The following SDK1 variants were observed in gnomAD, a reference collection of about 807,000 sequenced individuals.
The protein encoded by SDK1 is sidekick cell adhesion molecule 1.
Under a neutral mutation model 245.5 loss-of-function variants are expected in SDK1, and 157 were observed. The observed-to-expected ratio is 0.64, with a 90% CI of 0.56 to 0.73. SDK1 has a LOEUF of 0.73. SDK1 is among the 30% of genes least tolerant of loss of function. SDK1 has a pLI of 0.00. For missense variants in SDK1, 3,583 were observed against 3,002.3 expected (o/e 1.19, Z -4.52); for synonymous variants, 1,647 against 1,278.5 (o/e 1.29, Z -6.15).
chr7:4,092,390 G>T (rs1317878276), intron 22 of SDK1, among the ~76,000 whole-genome samples: 1 of 152,132 alleles, frequency 6.6e-6, no homozygotes, highest in African/African-American at 2.4e-5. Flanking sequence ...TGGGCTCCCT[G>T]GTCCAGGCAG....
intron 2 of SDK1, among the ~76,000 whole-genome samples, chr7:3,620,710 C>G (rs1583235884): frequency 1.3e-5 from 2 of 152,278 alleles, no homozygotes; most frequent in East Asian, 3.9e-4. Context: ...CAGCCCCAAT[C>G]AGGAGCAGGC....
At chr7:4,078,682 C>A (rs750733666) in intron 21 of SDK1, among the ~76,000 whole-genome samples, 5 of 152,126 alleles carry the variant, frequency 3.3e-5, no homozygotes, top group Admixed American at 6.5e-5. Context: ...CACAGTAACA[C>A]GAAAGCTCTC....
intron 5 of SDK1, among the ~76,000 whole-genome samples, chr7:3,873,786 TTC>T (rs1356542935): frequency 1.3e-5 from 2 of 152,198 alleles, no homozygotes; most frequent in African/African-American, 4.8e-5. Flanking sequence ...TTCCATTTAA[TTC>T]TTTTTCACTT....
intron 1 of SDK1, among the ~76,000 whole-genome samples, chr7:3,434,154 T>A (rs1270821886): frequency 2.0e-5 from 3 of 152,108 alleles, no homozygotes; most frequent in Non-Finnish European, 4.4e-5. Flanking sequence ...TTGTGATGAT[T>A]TTTTTTTCCT....
At chr7:3,520,321 C>T (rs1278190500) in intron 1 of SDK1, among the ~76,000 whole-genome samples, 2 of 152,284 alleles carry the variant, frequency 1.3e-5, no homozygotes, top group African/African-American at 4.8e-5. Flanking sequence ...TTTAGGTTGT[C>T]AACCTAGGTA....
At chr7:3,337,546 G>T (rs1174517773) in intron 1 of SDK1, among the ~76,000 whole-genome samples, 1 of 152,120 alleles carries the variant, frequency 6.6e-6, no homozygotes, top group African/African-American at 2.4e-5. Context: ...AAGAAGCTGA[G>T]TGAGCCCCAG....
intron 1 of SDK1, among the ~76,000 whole-genome samples, chr7:3,419,439 C>T (rs1417656526): frequency 6.6e-6 from 1 of 152,290 alleles, no homozygotes; most frequent in East Asian, 1.9e-4. Context: ...TCCCCCTTCA[C>T]CTGCAGTGAG....
At chr7:3,933,123 CTTTTTTTTTT>C (rs11364780) in intron 5 of SDK1, among the ~76,000 whole-genome samples, 3 of 83,260 alleles carry the variant, frequency 3.6e-5, no homozygotes, top group Admixed American at 1.6e-4. Flanking sequence ...GCTCCTGGAT[CTTTTTTTTTT>C]TTTTTTTTTT....
At chr7:3,440,332 C>G (rs1244392907) in intron 1 of SDK1, among the ~76,000 whole-genome samples, 2 of 152,110 alleles carry the variant, frequency 1.3e-5, no homozygotes, top group African/African-American at 4.8e-5. Context: ...CAAGTGATTT[C>G]TGATTGGTTG....
At chr7:3,360,633 C>G (rs1296324447) in intron 1 of SDK1, among the ~76,000 whole-genome samples, 2 of 152,154 alleles carry the variant, frequency 1.3e-5, no homozygotes, top group South Asian at 4.1e-4. Flanking sequence ...ATATGACAAG[C>G]TGGCGTTGGA....
chr7:4,139,411 A>ATC (rs1779319018), intron 28 of SDK1, among the ~76,000 whole-genome samples: 3 of 147,062 alleles, frequency 2.0e-5, no homozygotes. Flanking sequence ...GTGTGTGTGT[A>ATC]TATGTGTGTG....
At chr7:3,430,819 C>G (rs1779822791) in intron 1 of SDK1, among the ~76,000 whole-genome samples, 1 of 152,202 alleles carries the variant, frequency 6.6e-6, no homozygotes, top group Non-Finnish European at 1.5e-5. Flanking sequence ...TGGAATGAAG[C>G]AAGGATGGGG....
At chr7:3,870,679 A>T (rs1780934050) in intron 5 of SDK1, among the ~76,000 whole-genome samples, 1 of 152,212 alleles carries the variant, frequency 6.6e-6, no homozygotes. Context: ...TGTAACATTA[A>T]CTTTGTATAT....
At chr7:4,024,044 C>G (rs1414621377) in intron 17 of SDK1, among the ~76,000 whole-genome samples, 1 of 152,136 alleles carries the variant, frequency 6.6e-6, no homozygotes, top group Non-Finnish European at 1.5e-5. Flanking sequence ...TCTGAGCACA[C>G]CAAGATTTTC....
chr7:3,388,597 A>T (rs1781667996), intron 1 of SDK1, among the ~76,000 whole-genome samples: 1 of 150,610 alleles, frequency 6.6e-6, no homozygotes. Context: ...TATAATACTC[A>T]CCACATAAGT....
chr7:3,463,671 A>G (rs1780901668), intron 1 of SDK1, among the ~76,000 whole-genome samples: 1 of 152,228 alleles, frequency 6.6e-6, no homozygotes, highest in Non-Finnish European at 1.5e-5. Flanking sequence ...TCCCTCAGGA[A>G]AAAACGATGG....
chr7:3,823,289 A>G (rs892510517), intron 5 of SDK1, among the ~76,000 whole-genome samples: 1 of 152,192 alleles, frequency 6.6e-6, no homozygotes, highest in East Asian at 1.9e-4. Flanking sequence ...AGAGCCATTT[A>G]TCTTGTTTAG....
Position 3,408,032 on chromosome 7 carries a change from T to C in SDK1, c.298+106148T>C, listed in dbSNP as rs1779098324. On this transcript the variant is annotated intron_variant, in intron 1 of 44. Coordinates refer to ENST00000404826, the MANE Select transcript of SDK1 (RefSeq NM_152744.4). ...GTGTATGATAAAATGGAGAACGCCA[T>C]AGTTCATTCTTTCATTTTTTTTTTT... 5.3e-5 allele frequency among the ~76,000 whole-genome samples: 8 copies of C among 152,006 alleles called. No homozygotes were observed. In the South Asian group the frequency reaches 1.5e-3, roughly 28 times the overall value.
intron 4 of SDK1, among the ~76,000 whole-genome samples, chr7:3,776,243 T>A (rs190209455): frequency 6.0e-4 from 91 of 152,338 alleles, no homozygotes; most frequent in African/African-American, 2.0e-3. Flanking sequence ...TAAGCAGACA[T>A]TGTCAATTTG....
Sources: gnomAD v4.1 joint callset for allele counts (sites outside exome capture counted in the v4.1 genomes callset) on GRCh38, gnomAD v4.1.1 for gene constraint, MANE v1.5 for transcripts, NCBI Gene and HGNC (gene_info 2026-07-23, HGNC 2026-07-21) for gene names.